Variants in GRID2 observed in about 807,000 individuals in gnomAD.
GRID2 encodes glutamate receptor ionotropic, delta-2.
GRID2 carries 33 observed loss-of-function variants against 114.8 expected under a neutral mutation model. The observed-to-expected ratio is 0.29, with a 90% confidence interval of 0.22 to 0.38. GRID2 has a LOEUF of 0.38. Among genes scored for constraint, GRID2 ranks in the 10% least tolerant of loss-of-function variants. The pLI is 1.00. For missense variants in GRID2, 1,184 were observed against 1,257.7 expected (o/e 0.94, Z 0.89); for synonymous variants, 505 against 449.9 (o/e 1.12, Z -1.55).
intron 2 of GRID2, among the ~76,000 whole-genome samples, chr4:92,933,144 A>G (rs1750372923): frequency 6.6e-6 from 1 of 150,514 alleles, no homozygotes; most frequent in African/African-American, 2.4e-5. Context: ...GTACAATTTT[A>G]TACATTATAT....
chr4:92,887,832 G>T (rs2149465450), intron 2 of GRID2, among the ~76,000 whole-genome samples: 1 of 152,128 alleles, frequency 6.6e-6, no homozygotes, highest in East Asian at 1.9e-4. Flanking sequence ...CTTAAGTTCT[G>T]GCTGAACTGT....
At chr4:93,592,937 G>C (rs1221713193) in intron 13 of GRID2, among the ~76,000 whole-genome samples, 2 of 150,316 alleles carry the variant, frequency 1.3e-5, no homozygotes, top group Non-Finnish European at 3.0e-5. Flanking sequence ...CTTTTATTTT[G>C]AGCCTATGTG....
At chr4:92,978,787 T>C (rs1454335190) in intron 2 of GRID2, among the ~76,000 whole-genome samples, 3 of 152,134 alleles carry the variant, frequency 2.0e-5, no homozygotes, top group Non-Finnish European at 1.5e-5. Flanking sequence ...ATCCTGGCAC[T>C]TTGGGAGGCC....
chr4:93,611,188 A>C (rs1740855833), intron 13 of GRID2, among the ~76,000 whole-genome samples: 1 of 95,128 alleles, frequency 1.1e-5, no homozygotes, highest in Admixed American at 1.0e-4. Flanking sequence ...TATTGTGTCT[A>C]TTTGATTCTT....
chr4:93,352,624 C>T (rs544313208), intron 8 of GRID2, among the ~76,000 whole-genome samples: 3 of 152,144 alleles, frequency 2.0e-5, no homozygotes, highest in Admixed American at 6.6e-5. Context: ...GTCCTACACT[C>T]TATTGAATGA....
intron 11 of GRID2, among the ~76,000 whole-genome samples, chr4:93,461,568 G>A (rs1269022432): frequency 6.6e-6 from 1 of 152,064 alleles, no homozygotes; most frequent in Non-Finnish European, 1.5e-5. Flanking sequence ...GCCAAAAGCA[G>A]AAAAATGTTA....
chr4:93,004,810 C>G (rs1277329627), intron 2 of GRID2, among the ~76,000 whole-genome samples: 1 of 152,042 alleles, frequency 6.6e-6, no homozygotes, highest in Non-Finnish European at 1.5e-5. Flanking sequence ...GTGACAAATT[C>G]AATGGCCAGT....
At chr4:93,114,025 A>G (rs1055051853) in intron 4 of GRID2, among the ~76,000 whole-genome samples, 2 of 152,156 alleles carry the variant, frequency 1.3e-5, no homozygotes, top group African/African-American at 2.4e-5. Flanking sequence ...TAAAAATCCC[A>G]TGAGACTGAT....
intron 1 of GRID2, among the ~76,000 whole-genome samples, chr4:92,330,477 A>T (rs1726825904): frequency 6.6e-6 from 1 of 152,090 alleles, no homozygotes; most frequent in Admixed American, 6.6e-5. Flanking sequence ...TGTTAATTGG[A>T]TCTATCATAC....
chr4:93,601,543 AT>A (rs1739684931), intron 13 of GRID2, among the ~76,000 whole-genome samples: 1 of 152,208 alleles, frequency 6.6e-6, no homozygotes, highest in Non-Finnish European at 1.5e-5. Context: ...CTAGCTAGTA[AT>A]TTCCAAAAGT....
At chr4:93,362,680 T>C (rs567062665) in intron 8 of GRID2, among the ~76,000 whole-genome samples, 49 of 152,148 alleles carry the variant, frequency 3.2e-4, no homozygotes, top group Non-Finnish European at 5.3e-4. Context: ...TTGCTCCTCT[T>C]CTCAGGCCTG....
chr4:93,445,764 G>A (rs1019030957), intron 10 of GRID2, among the ~76,000 whole-genome samples: 1 of 151,858 alleles, frequency 6.6e-6, no homozygotes, highest in Non-Finnish European at 1.5e-5. Context: ...ATTTTCTACT[G>A]AGCTTGGAAG....
At position 92,493,508 on chromosome 4, in the gene GRID2, C is replaced by T. The variant is rs180874539; in HGVS notation, c.89-96623C>T. Among the ~76,000 whole-genome samples, 304 of 152,258 alleles carry T rather than the reference C, an allele frequency of 2.0e-3. 1 individual carries two copies. Among genetic ancestry groups the T allele is most frequent in the Non-Finnish European group, 3.1e-3 (209 of 68,016 alleles). ...TCTGAGACTAACCTTCAATTAATGA[C>T]GGAGTGTGTCAGCTGCTCTAAACTC... On this transcript the variant is annotated intron_variant, in intron 1 of 15. Transcript: ENST00000282020.
chr4:92,866,127 C>T (rs1744844119), intron 2 of GRID2, among the ~76,000 whole-genome samples: 1 of 152,144 alleles, frequency 6.6e-6, no homozygotes, highest in African/African-American at 2.4e-5. Context: ...ATACTGCACA[C>T]ATGTTGAGGA....
intron 12 of GRID2, among the ~76,000 whole-genome samples, chr4:93,514,722 T>C (rs1057380052): frequency 1.3e-5 from 2 of 152,152 alleles, no homozygotes; most frequent in Non-Finnish European, 2.9e-5. Context: ...CAATAAATAA[T>C]GACTATCATA....
At chr4:92,406,830 T>G in intron 1 of GRID2, among the ~76,000 whole-genome samples, 1 of 152,094 alleles carries the variant, frequency 6.6e-6, no homozygotes, top group South Asian at 2.1e-4. Flanking sequence ...TAAGTTAGTT[T>G]GCTGAGGATA....
chr4:93,337,950 T>C (rs1759255691), intron 8 of GRID2, among the ~76,000 whole-genome samples: 1 of 152,186 alleles, frequency 6.6e-6, no homozygotes. Flanking sequence ...CTAGTCCCTC[T>C]CCTCAGAAGT....
chr4:92,688,037 C>CTTTTTTTTTTTTTTTTTTTT lies in GRID2; in HGVS notation c.244+97761_244+97780dup, dbSNP rs760605020. Among the ~76,000 whole-genome samples, 18 of 44,656 alleles carry CTTTTTTTTTTTTTTTTTTTT rather than the reference C, an allele frequency of 4.0e-4. 1 individual carries two copies. The highest frequency in any genetic ancestry group is 7.0e-4 in the African/African-American group (7 of 9,964). 29.3% of individuals were successfully genotyped at this position (44,656 alleles called of 152,430 possible). A position where few individuals can be genotyped will look rare whatever the true frequency, so the allele number is the denominator to read the frequency against. ...GCCACATTGGTTGACCCTTCTTCTT[C>CTTTTTTTTTTTTTTTTTTTT]TTTTTTTTTTTTTTTTTTTTTTTTT... On this transcript the variant is annotated intron_variant, in intron 2 of 15. Transcript: ENST00000282020.
intron 8 of GRID2, among the ~76,000 whole-genome samples, chr4:93,374,703 T>C (rs1270844549): frequency 6.6e-6 from 1 of 152,184 alleles, no homozygotes; most frequent in Non-Finnish European, 1.5e-5. Flanking sequence ...ATCCTGTTTA[T>C]ATGAATACAT....
Sources: allele counts gnomAD v4.1 joint callset (sites outside exome capture counted in the v4.1 genomes callset), GRCh38; gene constraint gnomAD v4.1.1; transcripts MANE v1.5; gene names NCBI Gene and HGNC (gene_info 2026-07-23, HGNC 2026-07-21).